Variants in GRIN2C observed in about 807,000 individuals in gnomAD.
GRIN2C encodes the protein glutamate ionotropic receptor NMDA type subunit 2C.
Under a neutral mutation model 77.7 loss-of-function variants are expected in GRIN2C, and 64 were observed. That is an observed-to-expected ratio of 0.82 (90% CI 0.67 to 1.01). The LOEUF (loss-of-function observed/expected upper bound fraction) is 1.01, where lower values mean the gene tolerates loss of function less well. Ranked by LOEUF, GRIN2C falls within the 50% of genes least tolerant of loss-of-function variation. The pLI is 0.00. For missense variants in GRIN2C, 1,549 were observed against 1,486.0 expected, an observed-to-expected ratio of 1.04 and a Z score of -0.70; for synonymous variants, 792 against 643.4, an observed-to-expected ratio of 1.23 and a Z score of -3.49.
At chr17:74,853,155 C>G (rs954600176) in intron 2 of GRIN2C, 14 of 152,222 alleles carry the variant, frequency 9.2e-5, no homozygotes, top group African/African-American at 3.1e-4. Context: ...TGGGAAAGCT[C>G]CTCCTCTCCA....
Position 74,842,842 on chromosome 17 carries a change from C to T in GRIN2C, c.3295G>A (p.Gly1099Arg), listed in dbSNP as rs1043599028. Residue 1099 changes from glycine to arginine, a missense_variant, in exon 13 of 13, where the codon GGG (glycine) becomes AGG (arginine). Transcript: ENST00000293190. The part of the protein sequence containing the change: ...AFARPSSLPA[G>R]CTGPACARPD... Reference sequence around the variant, plus strand: ...CGGGCGCAGGCGGGGCCGGTGCACCCAGCGGGCAGCGAGCTGGGCCGAGCG... The same window carrying T: ...CGGGCGCAGGCGGGGCCGGTGCACCTAGCGGGCAGCGAGCTGGGCCGAGCG... 3 of 589,184 alleles carry T rather than the reference C, an allele frequency of 5.1e-6. No individual in the cohort carries two copies. The highest frequency in any genetic ancestry group is 6.6e-5 in the Admixed American group (2 of 30,360). 36.5% of individuals were successfully genotyped at this position (589,184 alleles called of 1,614,324 possible).
Position 74,843,373 on chromosome 17 carries a change from T to C in GRIN2C, c.2764A>G (p.Asn922Asp), listed in dbSNP as rs2037359209. ...SLDRATRTIENWGGGRRAPPP... is the reference protein window; with the variant it reads ...SLDRATRTIEDWGGGRRAPPP... ...GGCGCACGGCGGCCGCCACCCCAATTCTCGATGGTGCGAGTGGCGCGGTCC... is the reference window on the plus strand; with the variant it reads ...GGCGCACGGCGGCCGCCACCCCAATCCTCGATGGTGCGAGTGGCGCGGTCC... The change falls in exon 13 of 13, where the codon AAT becomes GAT. Residue 922 changes from asparagine (N) to aspartate (D), a missense_variant. Asn to Asp is a conservative substitution (Grantham distance 23). Coordinates refer to ENST00000293190, the MANE Select transcript of GRIN2C (RefSeq NM_000835.6). 2.6e-6 allele frequency: 4 copies of C among 1,530,572 alleles called. No homozygotes were observed. The highest frequency in any genetic ancestry group is 3.5e-6 in the Non-Finnish European group (4 of 1,143,214). 94.8% of individuals were successfully genotyped at this position (1,530,572 alleles called of 1,614,324 possible). A position where few individuals can be genotyped will look rare whatever the true frequency, so the allele number is the denominator to read the frequency against.
intron 1 of GRIN2C, among the ~76,000 whole-genome samples, chr17:74,858,532 C>T (rs955390424): frequency 1.7e-4 from 26 of 152,024 alleles, no homozygotes; most frequent in African/African-American, 5.8e-4. Flanking sequence ...CCGTCTAACC[C>T]AGCCACCCTA....
In GRIN2C at chr17:74,849,657, C is replaced by A; in HGVS notation, c.1645+123G>T. The stretch of plus-strand genomic sequence containing the variant: ...ACTCACCTCCAGCCAACCTCCAAGA[C>A]CCAAGGCTGCTGTGCTTGGCCTGTG... On this transcript the variant is annotated intron_variant, in intron 7 of 12. Transcript: ENST00000293190. The surrounding 1 kb of genome is among the most constrained non-coding windows in gnomAD (Gnocchi z 4.6). The A allele has an allele frequency of 2.3e-6, 2 of 886,036 alleles. No homozygotes were observed. The highest frequency in any genetic ancestry group is 1.6e-5 in the South Asian group (1 of 63,462). 54.9% of individuals were successfully genotyped at this position (886,036 alleles called of 1,614,324 possible).
chr17:74,850,420 C>A lies in GRIN2C; in HGVS notation c.1326-49G>T. 1 of 1,592,332 alleles carries A rather than the reference C, an allele frequency of 6.3e-7. No individual in the cohort carries two copies. Among genetic ancestry groups the A allele is most frequent in the South Asian group, 1.1e-5 (1 of 90,694 alleles). ...CACCGGGAGTCAGAGTATGTCGTGG[C>A]CCAGCCCCGCCCCAGCCACTCCTCC... On this transcript the variant is annotated intron_variant, in intron 5 of 12. Transcript: ENST00000293190. This position sits in a 1 kb window ranked among gnomAD's most constrained non-coding sequence, Gnocchi z 5.3.
At position 74,842,342 on chromosome 17, in the gene GRIN2C, C is replaced by T. The variant is rs939536; in HGVS notation, c.*93G>A. 666,853 of 666,854 alleles carry T rather than the reference C, an allele frequency of 1. 333,426 individuals are homozygous for T. Among genetic ancestry groups the T allele is most frequent in the Non-Finnish European group, 1 (364,256 of 364,256 alleles). The allele number at this position is 666,854 out of a possible 1,614,324, so 41.3% of individuals were successfully genotyped here. Reference sequence around the variant, plus strand: ...GGGTCCCATGGCCAGGATTTCATGGCAGAAGCCAGAAAAGCCCAATCCTGC... The same window carrying T: ...GGGTCCCATGGCCAGGATTTCATGGTAGAAGCCAGAAAAGCCCAATCCTGC... On this transcript the variant is annotated 3_prime_UTR_variant, in exon 13 of 13. Transcript: ENST00000293190.
rs1217390243 is a variant in GRIN2C at position 74,843,429 on chromosome 17, A to G, written c.2708T>C (p.Met903Thr). The G allele has an allele frequency of 1.6e-5, 24 of 1,535,782 alleles. No individual in the cohort carries two copies. The highest frequency in any genetic ancestry group is 2.1e-5 in the Non-Finnish European group (24 of 1,146,200). The change falls in exon 13 of 13, where the codon ATG (methionine) becomes ACG (threonine). Residue 903 changes from methionine to threonine, a missense_variant. Physicochemically the swap from Met to Thr is moderately conservative, Grantham distance 81 (BLOSUM62 -1). This residue lies in a region of GRIN2C where 450 missense variants were observed against 267.9 expected (regional missense o/e 1.68). Transcript: ENST00000293190. ...VLKMLQAARDMVTTAGVSSSL... is the reference protein window; with the variant it reads ...VLKMLQAARDTVTTAGVSSSL... The stretch of plus-strand genomic sequence containing the variant: ...GCTGCTTACGCCCGCCGTGGTCACC[A>G]TGTCGCGGGCTGCCTGCAGCATCTT...
At chr17:74,860,938 C>A (rs1002124482), upstream of GRIN2C, 1 of 187,178 alleles carries the variant, frequency 5.3e-6, no homozygotes, top group Non-Finnish European at 1.1e-5. Flanking sequence ...GCCGCACAGC[C>A]CCCTTTCACC....
chr17:74,860,402 G>A (rs531831388), upstream of GRIN2C: 11 of 456,650 alleles, frequency 2.4e-5, no homozygotes, highest in East Asian at 6.3e-4. Context: ...CCGAGTGGAC[G>A]AATGGGGTGG....
rs745562761 is a variant in GRIN2C at position 74,850,205 on chromosome 17, C to T, written c.1491+1G>A. ...TGAGGAGGGAGTGGGGTGGGGCCTACCTCCCCAATCATGCCGTTCCATACG... is the reference window on the plus strand; with the variant it reads ...TGAGGAGGGAGTGGGGTGGGGCCTATCTCCCCAATCATGCCGTTCCATACG... On this transcript the variant is annotated splice_donor_variant, in intron 6 of 12. Transcript: ENST00000293190. LOFTEE classifies it high-confidence loss of function. The surrounding 1 kb of genome is among the most constrained non-coding windows in gnomAD (Gnocchi z 5.3). The T allele has an allele frequency of 2.7e-5, 44 of 1,612,982 alleles. No individual in the cohort carries two copies. The highest frequency in any genetic ancestry group is 3.6e-5 in the Non-Finnish European group (43 of 1,179,824).
In GRIN2C at chr17:74,859,326, G is replaced by T. The variant is rs2037896658; in HGVS notation, c.-16+418C>A. Among the ~76,000 whole-genome samples the T allele has an allele frequency of 1.3e-5, 2 of 152,172 alleles. No individual in the cohort carries two copies. The highest frequency in any genetic ancestry group is 1.3e-4 in the Admixed American group (2 of 15,276). On this transcript the variant is annotated intron_variant, in intron 1 of 12. Transcript: ENST00000293190. The surrounding 1 kb of genome is among the most constrained non-coding windows in gnomAD (Gnocchi z 5.9). ...GGTCTGAGCACCTTCCCAGGCTGGGGGCCTTCTCCTTCCCGGGTCCTCACA... is the reference window on the plus strand; with the variant it reads ...GGTCTGAGCACCTTCCCAGGCTGGGTGCCTTCTCCTTCCCGGGTCCTCACA...
rs773020992 is a variant in GRIN2C at position 74,850,090 on chromosome 17, G to C, written c.1491+116C>G. 1 of 1,356,570 alleles carries C rather than the reference G, an allele frequency of 7.4e-7. No individual in the cohort carries two copies. The highest frequency in any genetic ancestry group is 1.0e-6 in the Non-Finnish European group (1 of 971,500). The allele number at this position is 1,356,570 out of a possible 1,614,324, so 84.0% of individuals were successfully genotyped here. On this transcript the variant is annotated intron_variant, in intron 6 of 12. Transcript: ENST00000293190. This position sits in a 1 kb window ranked among gnomAD's most constrained non-coding sequence, Gnocchi z 5.3. ...CAGCTTTCAGTACTGACCACCCCAG[G>C]AGTCATCATTGGTGACAGCCCATGC... is the stretch of plus-strand genomic sequence containing the variant.
Position 74,849,237 on chromosome 17 carries a change from C to T in GRIN2C, c.1645+543G>A, listed in dbSNP as rs1313430096. The stretch of plus-strand genomic sequence containing the variant: ...GGGTTTCCACTCCTGTCTGGCCAGC[C>T]TCAGCTCTTCCCCTGCCCCTCGCCT... On this transcript the variant is annotated intron_variant, in intron 7 of 12. Transcript: ENST00000293190. This position sits in a 1 kb window ranked among gnomAD's most constrained non-coding sequence, Gnocchi z 4.6. Among the ~76,000 whole-genome samples, 3 of 152,130 alleles carry T rather than the reference C, an allele frequency of 2.0e-5. No homozygotes were observed. Among genetic ancestry groups the T allele is most frequent in the Non-Finnish European group, 4.4e-5 (3 of 67,992 alleles).
In GRIN2C at chr17:74,846,235, G is replaced by T. The variant is rs777236801; in HGVS notation, c.2181C>A (p.Ile727=). ...TGTAGTTGAGGACAGCAGCATCATA[G>T]ATGAAGGCATCCAGCTTCCTGGGGA... ...SLKMGKLDAF[I]YDAAVLNYMA... Residue 727 remains isoleucine, a synonymous_variant, in exon 11 of 13, where the codon ATC becomes ATA. Transcript: ENST00000293190. This position sits in a 1 kb window ranked among gnomAD's most constrained non-coding sequence, Gnocchi z 4.4. 1 of 1,614,152 alleles carries T rather than the reference G, an allele frequency of 6.2e-7. No homozygotes were observed.
Position 74,842,667 on chromosome 17 carries a change from AG to A in GRIN2C, c.3469del (p.Leu1157CysfsTer54). The A allele has an allele frequency of 1.3e-6, 1 of 740,808 alleles. No individual in the cohort carries two copies. Among genetic ancestry groups the A allele is most frequent in the East Asian group, 2.6e-5 (1 of 38,962 alleles). 45.9% of individuals were successfully genotyped at this position (740,808 alleles called of 1,614,324 possible). Reference protein sequence around the residue: ...QHVCLHAHAHLPFCWGAVCPH... With the variant: ...QHVCLHAHAHXPFCWGAVCPH... ...ACAGACAGCCCCCCAGCAAAATGGC[AG>A]GTGGGCGTGGGCGTGCAGGCAGACG... is the stretch of plus-strand genomic sequence containing the variant. On this transcript the variant is annotated frameshift_variant, in exon 13 of 13. Transcript: ENST00000293190. LOFTEE classifies it high-confidence loss of function.
At chr17:74,860,407 G>A (rs773620724), upstream of GRIN2C, 5 of 456,556 alleles carry the variant, frequency 1.1e-5, no homozygotes, top group South Asian at 7.7e-5. Flanking sequence ...TGGACGAATG[G>A]GGTGGGCATC....
In GRIN2C at chr17:74,852,328, C is replaced by G. The variant is rs2037676674; in HGVS notation, c.683G>C (p.Cys228Ser). ...GAGCACCTCGGCCTCCTCGCGCGAG[C>G]AGTAGGCCACAAACACGGGCGCGTC... Reference protein sequence around the residue: ...QLDAPVFVAYCSREEAEVLFA... With the variant: ...QLDAPVFVAYSSREEAEVLFA... Residue 228 changes from cysteine (C) to serine (S), a missense_variant, in exon 3 of 13, where the codon TGC becomes TCC. This residue lies in a region of GRIN2C where 382 missense variants were observed against 360.0 expected (regional missense o/e 1.06). Coordinates refer to ENST00000293190, the MANE Select transcript of GRIN2C (RefSeq NM_000835.6). The G allele has an allele frequency of 6.9e-7, 1 of 1,457,146 alleles. No individual in the cohort carries two copies. The allele number at this position is 1,457,146 out of a possible 1,614,324, so 90.3% of individuals were successfully genotyped here.
chr17:74,855,135 G>A (rs1033897291), intron 1 of GRIN2C, 28 bp from the exon 2 acceptor site: 1 of 1,511,556 alleles, frequency 6.6e-7, no homozygotes, highest in Non-Finnish European at 8.8e-7. Flanking sequence ...CAAGCACAGG[G>A]AGAGAGACAG....
intron 11 of GRIN2C, among the ~76,000 whole-genome samples, chr17:74,845,533 G>T (rs1182868163): frequency 6.6e-6 from 1 of 152,014 alleles, no homozygotes; most frequent in Non-Finnish European, 1.5e-5. Context: ...GCCTCCCAAA[G>T]TGCTGGGGTT....
Sources: gnomAD v4.1 joint callset for allele counts (sites outside exome capture counted in the v4.1 genomes callset) on GRCh38, gnomAD v4.1.1 for gene constraint, gnomAD v4.1.1 regional missense constraint, Gnocchi (gnomAD v3.1) non-coding constraint, MANE v1.5 for transcripts, NCBI Gene and HGNC (gene_info 2026-07-23, HGNC 2026-07-21) for gene names.